Variants in SMAP1 observed in about 807,000 individuals in gnomAD.
The protein encoded by SMAP1 is small ArfGAP 1.
SMAP1 carries 24 observed loss-of-function variants against 58.5 expected under a neutral mutation model. The ratio of observed to expected loss-of-function variants is 0.41; its 90% confidence interval spans 0.30 to 0.58. The LOEUF (loss-of-function observed/expected upper bound fraction) is 0.58, where lower values mean the gene tolerates loss of function less well. SMAP1 is among the 20% of genes least tolerant of loss of function. The pLI is 0.29. For missense variants in SMAP1, 563 were observed against 566.3 expected, an observed-to-expected ratio of 0.99 and a Z score of 0.06; for synonymous variants, 216 against 196.6, an observed-to-expected ratio of 1.10 and a Z score of -0.82.
At chr6:70,831,542 G>T (rs1221589441) in intron 6 of SMAP1, among the ~76,000 whole-genome samples, 1 of 152,086 alleles carries the variant, frequency 6.6e-6, no homozygotes, top group African/African-American at 2.4e-5. Context: ...TTTTGCATTA[G>T]TTTGCTTAGG....
intron 6 of SMAP1, among the ~76,000 whole-genome samples, chr6:70,812,915 C>T (rs1769453068): frequency 6.6e-6 from 1 of 152,088 alleles, no homozygotes; most frequent in African/African-American, 2.4e-5. Flanking sequence ...TCTACATCTC[C>T]TTCTAAATCT....
intron 7 of SMAP1, chr6:70,837,878 GT>G: frequency 8.2e-7 from 1 of 1,222,522 alleles, no homozygotes; most frequent in Non-Finnish European, 1.1e-6. Flanking sequence ...GATCCTAGTT[GT>G]TATTGAATAA....
rs1439934117 is a variant in SMAP1, at chr6:70,771,313, G to A, written c.339-2037G>A. Among the ~76,000 whole-genome samples the A allele has an allele frequency of 5.3e-5, 8 of 152,300 alleles. No homozygotes were observed. In the East Asian group the frequency reaches 1.5e-3, roughly 29 times the overall value. On this transcript the variant is annotated intron_variant, in intron 3 of 10. Coordinates refer to ENST00000370455, the MANE Select transcript of SMAP1 (RefSeq NM_001044305.3). ...GACAGGGATGTTTAAGTCTGCAGAGGTTACTGCTGTCTTTTTGTTTGTCTT... is the reference window on the plus strand; with the variant it reads ...GACAGGGATGTTTAAGTCTGCAGAGATTACTGCTGTCTTTTTGTTTGTCTT...
At chr6:70,677,447 T>C (rs1177422262) in intron 1 of SMAP1, among the ~76,000 whole-genome samples, 1 of 134,248 alleles carries the variant, frequency 7.4e-6, no homozygotes, top group Non-Finnish European at 1.6e-5. Context: ...TTTTTTTTTT[T>C]TTTTTTTTTT....
At chr6:70,676,536 G>A (rs1766489401) in intron 1 of SMAP1, among the ~76,000 whole-genome samples, 1 of 152,150 alleles carries the variant, frequency 6.6e-6, no homozygotes, top group Admixed American at 6.5e-5. Context: ...ATGTTTGATG[G>A]TATGATAGAT....
Position 70,861,540 on chromosome 6 carries a change from C to CAAGA in SMAP1, c.*1210_*1213dup. 1.2e-6 allele frequency: 1 copy of CAAGA among 804,030 alleles called. No homozygotes were observed. Among genetic ancestry groups the CAAGA allele is most frequent in the Admixed American group, 2.7e-5 (1 of 37,238 alleles). The allele number at this position is 804,030 out of a possible 1,614,324, so 49.8% of individuals were successfully genotyped here. The stretch of plus-strand genomic sequence containing the variant: ...ATTTAAACAGATGTCCATCAGATGA[C>CAAGA]AAGAAAGGCTGCTGTACTGAAGTAA... On this transcript the variant is annotated 3_prime_UTR_variant, in exon 11 of 11. Transcript: ENST00000370455.
chr6:70,681,866 T>A (rs1011519963), intron 1 of SMAP1, among the ~76,000 whole-genome samples: 1 of 152,172 alleles, frequency 6.6e-6, no homozygotes, highest in African/African-American at 2.4e-5. Flanking sequence ...TTCTATTAGG[T>A]GCTAATAGGG....
intron 1 of SMAP1, among the ~76,000 whole-genome samples, chr6:70,708,383 C>T (rs1188747892): frequency 6.6e-6 from 1 of 152,126 alleles, no homozygotes; most frequent in Non-Finnish European, 1.5e-5. Context: ...TGGACAAACA[C>T]TTAGGTCATT....
chr6:70,692,510 G>A (rs118135237), intron 1 of SMAP1, among the ~76,000 whole-genome samples: 1 of 152,068 alleles, frequency 6.6e-6, no homozygotes, highest in Non-Finnish European at 1.5e-5. Context: ...TTTTGCCTGG[G>A]CAGAGTGTCC....
chr6:70,758,519 A>G (rs1330719599), intron 3 of SMAP1, among the ~76,000 whole-genome samples: 2 of 152,128 alleles, frequency 1.3e-5, no homozygotes. Context: ...TTAAAGTATA[A>G]TAAAAATAAA....
At chr6:70,758,073 A>T (rs1306863057) in intron 3 of SMAP1, among the ~76,000 whole-genome samples, 2 of 151,958 alleles carry the variant, frequency 1.3e-5, no homozygotes, top group African/African-American at 4.8e-5. Context: ...ATGCACACGT[A>T]TGTTTATTGC....
rs141424769 is a variant in SMAP1, at chr6:70,677,367, T to C, written c.118+9226T>C. 1.6e-4 allele frequency among the ~76,000 whole-genome samples: 24 copies of C among 150,462 alleles called. No individual in the cohort carries two copies. In the East Asian group the frequency reaches 4.7e-3, roughly 29 times the overall value. Reference sequence around the variant, plus strand: ...TTGTCCTTGTTCTCTTTAATCCTTATTGCAAAGATTTATTTCAACCTTGTA... The same window carrying C: ...TTGTCCTTGTTCTCTTTAATCCTTACTGCAAAGATTTATTTCAACCTTGTA... On this transcript the variant is annotated intron_variant, in intron 1 of 10. Coordinates refer to ENST00000370455, the MANE Select transcript of SMAP1 (RefSeq NM_001044305.3).
At position 70,669,753 on chromosome 6, in the gene SMAP1, T is replaced by G. The variant is rs1280865325; in HGVS notation, c.118+1612T>G. Among the ~76,000 whole-genome samples, 3 of 152,222 alleles carry G rather than the reference T, an allele frequency of 2.0e-5. No individual in the cohort carries two copies. The East Asian group carries it at 5.8e-4, about 29-fold the overall frequency. ...TAATAACATGGTTAAGTAGAGATGC[T>G]GGTAAATATTAAATCTGTTCATTAA... On this transcript the variant is annotated intron_variant, in intron 1 of 10. Coordinates refer to ENST00000370455, the MANE Select transcript of SMAP1 (RefSeq NM_001044305.3).
chr6:70,814,584 T>C (rs575674764), intron 6 of SMAP1, among the ~76,000 whole-genome samples: 56 of 152,288 alleles, frequency 3.7e-4, no homozygotes, highest in African/African-American at 1.3e-3. Flanking sequence ...TCCTATTGTT[T>C]CCTTTCGTCT....
At chr6:70,801,401 A>C (rs979868543) in intron 6 of SMAP1, among the ~76,000 whole-genome samples, 1 of 151,880 alleles carries the variant, frequency 6.6e-6, no homozygotes, top group Non-Finnish European at 1.5e-5. Context: ...TTCTTTGTAG[A>C]TTCTGGATAT....
chr6:70,714,353 G>A (rs1428179540), intron 1 of SMAP1, among the ~76,000 whole-genome samples: 1 of 151,866 alleles, frequency 6.6e-6, no homozygotes, highest in Non-Finnish European at 1.5e-5. Flanking sequence ...TTGTAATGCT[G>A]TGATTCTTTG....
chr6:70,857,241 A>C, intron 9 of SMAP1: 6 of 413,552 alleles, frequency 1.5e-5, no homozygotes, highest in Non-Finnish European at 2.5e-5. Context: ...ATTTGGAATT[A>C]ACAAGCTGTT....
intron 3 of SMAP1, among the ~76,000 whole-genome samples, chr6:70,769,506 A>G (rs1490502327): frequency 2.0e-5 from 3 of 152,166 alleles, no homozygotes; most frequent in Non-Finnish European, 4.4e-5. Flanking sequence ...CCATTATGTA[A>G]TGGCCTTCTT....
At chr6:70,668,595 C>T (rs1486681947) in intron 1 of SMAP1, 4 of 1,535,818 alleles carry the variant, frequency 2.6e-6, no homozygotes, top group Middle Eastern at 1.7e-4. Flanking sequence ...TGACCACGTC[C>T]TCCCACTCCG....
Sources: allele counts gnomAD v4.1 joint callset (sites outside exome capture counted in the v4.1 genomes callset), GRCh38; gene constraint gnomAD v4.1.1; transcripts MANE v1.5; gene names NCBI Gene and HGNC (gene_info 2026-07-23, HGNC 2026-07-21).